Variants in PSMB2 observed in about 807,000 individuals in gnomAD.
The protein encoded by PSMB2 is proteasome subunit beta type-2.
PSMB2 carries 13 observed loss-of-function variants against 25.7 expected under a neutral mutation model. The ratio of observed to expected loss-of-function variants is 0.51; its 90% confidence interval spans 0.33 to 0.80. The LOEUF is 0.80. PSMB2 is among the 30% of genes least tolerant of loss of function. The pLI is 0.02. For missense variants in PSMB2, 202 were observed against 259.0 expected (o/e 0.78, Z 1.51); for synonymous variants, 87 against 96.2 (o/e 0.90, Z 0.56).
chr1:35,602,859 T>C lies in PSMB2; in HGVS notation c.*408A>G. 2.3e-6 allele frequency: 2 copies of C among 875,402 alleles called. No homozygotes were observed. Among genetic ancestry groups the C allele is most frequent in the Non-Finnish European group, 2.8e-6 (2 of 725,606 alleles). The allele number at this position is 875,402 out of a possible 1,614,324, so 54.2% of individuals were successfully genotyped here. A position where few individuals can be genotyped will look rare whatever the true frequency, so the allele number is the denominator to read the frequency against. ...TTGCATGTTACATTAAGTGCATGTA[T>C]TATTAATTCAGGTTAATTAATTTAA... On this transcript the variant is annotated 3_prime_UTR_variant, in exon 6 of 6. Transcript: ENST00000373237.
intron 3 of PSMB2, among the ~76,000 whole-genome samples, chr1:35,618,229 A>T (rs575569137): frequency 6.6e-6 from 1 of 152,172 alleles, no homozygotes; most frequent in Admixed American, 6.5e-5. Context: ...ACAGTAGAAG[A>T]GGTGAGGGAG....
chr1:35,613,769 G>A (rs745438657), intron 3 of PSMB2, among the ~76,000 whole-genome samples: 2 of 152,186 alleles, frequency 1.3e-5, no homozygotes, highest in African/African-American at 4.8e-5. Context: ...ATAAGAAAGA[G>A]TTGGGCTGTG....
At chr1:35,613,895 T>C (rs1020866660) in intron 3 of PSMB2, among the ~76,000 whole-genome samples, 16 of 152,208 alleles carry the variant, frequency 1.1e-4, no homozygotes, top group African/African-American at 3.6e-4. Flanking sequence ...ATAATGCATG[T>C]GGATAATAAG....
chr1:35,630,939 T>C (rs376559515), intron 3 of PSMB2, among the ~76,000 whole-genome samples: 2 of 152,122 alleles, frequency 1.3e-5, no homozygotes, highest in East Asian at 3.9e-4. Flanking sequence ...TGAGGAGGAA[T>C]GTGGGAAATC....
intron 4 of PSMB2, among the ~76,000 whole-genome samples, chr1:35,609,027 C>G (rs1013614717): frequency 6.6e-6 from 1 of 152,220 alleles, no homozygotes; most frequent in Non-Finnish European, 1.5e-5. Flanking sequence ...GAGATATGTA[C>G]TATCTCATTT....
intron 3 of PSMB2, among the ~76,000 whole-genome samples, chr1:35,630,136 T>C (rs1047513816): frequency 3.9e-5 from 6 of 152,098 alleles, no homozygotes; most frequent in Non-Finnish European, 8.8e-5. Context: ...GATTGCACCA[T>C]TGCACTCTAG....
At chr1:35,631,218 A>G in intron 3 of PSMB2, 56 bp downstream of exon 3, 1 of 1,556,138 alleles carries the variant, frequency 6.4e-7, no homozygotes, top group Non-Finnish European at 8.9e-7. Flanking sequence ...TGAGAATATA[A>G]AAGAAGCACA....
intron 1 of PSMB2, among the ~76,000 whole-genome samples, chr1:35,640,917 T>C (rs1651373428): frequency 1.3e-5 from 2 of 152,188 alleles, no homozygotes; most frequent in Non-Finnish European, 1.5e-5. Context: ...CCCAGACCTG[T>C]CTGCCTGTTT....
intron 3 of PSMB2, among the ~76,000 whole-genome samples, chr1:35,617,325 G>A (rs1305689286): frequency 2.6e-5 from 4 of 152,114 alleles, no homozygotes; most frequent in South Asian, 4.1e-4. Context: ...TGGGATTACC[G>A]GCATGACCCA....
In PSMB2 at chr1:35,611,364, AC is replaced by A. The variant is rs374298132; in HGVS notation, c.286-1957del. The stretch of plus-strand genomic sequence containing the variant: ...GGGGGGAGGGGTTGGGAGGGGAGTA[AC>A]AGGCTTTTGTTCTGTCGCCCAGGCT... On this transcript the variant is annotated intron_variant, in intron 3 of 5. Transcript: ENST00000373237. Among the ~76,000 whole-genome samples, 953 of 152,174 alleles carry A rather than the reference AC, an allele frequency of 6.3e-3. 14 individuals are homozygous for A. The highest frequency in any genetic ancestry group is 0.019 in the African/African-American group (780 of 41,500).
chr1:35,636,727 G>A (rs1245989633), intron 1 of PSMB2, among the ~76,000 whole-genome samples: 2 of 152,052 alleles, frequency 1.3e-5, no homozygotes, highest in Non-Finnish European at 2.9e-5. Context: ...AAATAATCTA[G>A]AGATGATTTG....
rs1422310618 is a variant in PSMB2, at chr1:35,609,393, TCAC to T, written c.298_300del (p.Val100del). 1 of 1,578,466 alleles carries T rather than the reference TCAC, an allele frequency of 6.3e-7. No individual in the cohort carries two copies. The highest frequency in any genetic ancestry group is 1.8e-5 in the Admixed American group (1 of 56,228). On this transcript the variant is annotated inframe_deletion, in exon 4 of 6. Transcript: ENST00000373237. The stretch of plus-strand genomic sequence containing the variant: ...TCATCATAGCCAGCCAGGAGGAGGT[TCAC>T]ATGATATGGGGTCTGCAAAGAAAAG...
chr1:35,615,154 A>C (rs962942249), intron 3 of PSMB2, among the ~76,000 whole-genome samples: 2 of 152,264 alleles, frequency 1.3e-5, no homozygotes, highest in Non-Finnish European at 2.9e-5. Context: ...CTAGATAGTA[A>C]GATCAAGAAG....
At chr1:35,632,259 G>A (rs1651128172) in intron 2 of PSMB2, among the ~76,000 whole-genome samples, 1 of 152,080 alleles carries the variant, frequency 6.6e-6, no homozygotes, top group South Asian at 2.1e-4. Flanking sequence ...ACCAACAAAG[G>A]TACAACCCAG....
chr1:35,622,013 A>G (rs1650701929), intron 3 of PSMB2, among the ~76,000 whole-genome samples: 1 of 152,226 alleles, frequency 6.6e-6, no homozygotes, highest in African/African-American at 2.4e-5. Context: ...AGAAAAAAAA[A>G]AGCATAAAAT....
chr1:35,609,459 C>G, intron 3 of PSMB2, 51 bp from the exon 4 acceptor site: 1 of 1,361,468 alleles, frequency 7.3e-7, no homozygotes, highest in Admixed American at 2.6e-5. Flanking sequence ...ACACCAACAT[C>G]TCTTCCCATG....
At chr1:35,627,304 G>GA (rs1557455563) in intron 3 of PSMB2, among the ~76,000 whole-genome samples, 3 of 138,256 alleles carry the variant, frequency 2.2e-5, no homozygotes, top group African/African-American at 8.1e-5. Context: ...GATCCCTCAC[G>GA]AAAAACTAAC....
intron 1 of PSMB2, among the ~76,000 whole-genome samples, chr1:35,638,135 T>G (rs976842257): frequency 6.6e-6 from 1 of 152,208 alleles, no homozygotes; most frequent in South Asian, 2.1e-4. Flanking sequence ...GGCAGTAACC[T>G]GTTCAACTTT....
intron 1 of PSMB2, among the ~76,000 whole-genome samples, chr1:35,638,968 A>T (rs1442091918): frequency 6.6e-6 from 1 of 152,210 alleles, no homozygotes. Context: ...AAAAGTCATC[A>T]GACGGCTGGG....
Sources: gnomAD v4.1 joint callset for allele counts (sites outside exome capture counted in the v4.1 genomes callset) on GRCh38, gnomAD v4.1.1 for gene constraint, MANE v1.5 for transcripts, NCBI Gene and HGNC (gene_info 2026-07-23, HGNC 2026-07-21) for gene names.